Variants in DIAPH2 observed in about 807,000 individuals in gnomAD.
The protein encoded by DIAPH2 is protein diaphanous homolog 2.
Under a neutral mutation model 92.7 loss-of-function variants are expected in DIAPH2, and 35 were observed. The ratio of observed to expected loss-of-function variants is 0.38; its 90% CI spans 0.29 to 0.50. The LOEUF (loss-of-function observed/expected upper bound fraction) is 0.50. DIAPH2 is among the 20% of genes least tolerant of loss of function. The pLI is 0.94. For missense variants in DIAPH2, 701 were observed against 819.5 expected, an observed-to-expected ratio of 0.86 and a Z score of 1.77; for synonymous variants, 301 against 280.4, an observed-to-expected ratio of 1.07 and a Z score of -0.73.
intron 26 of DIAPH2, among the ~76,000 whole-genome samples, chrX:97,574,743 G>GTATA (rs2071390764): frequency 8.9e-6 from 1 of 112,470 alleles, no homozygotes; most frequent in Middle Eastern, 4.7e-3. Context: ...GATAGGCCAT[G>GTATA]TATAATTAGT....
rs761514968 is a variant in DIAPH2 at position 96,712,605 on chromosome X, TAGA to T, written c.133-23146_133-23144del. Among the ~76,000 whole-genome samples the T allele has an allele frequency of 2.7e-3, 304 of 111,529 alleles. 2 individuals are homozygous for T. Among genetic ancestry groups the T allele is most frequent in the African/African-American group, 9.1e-3 (281 of 30,733 alleles). On this transcript the variant is annotated intron_variant, in intron 1 of 26. Transcript: ENST00000324765. Reference sequence around the variant, plus strand: ...ATTATCTATTGCCTGCCTGCTATGATAGAAGAAGATTAATCTCACATCAATCTT... The same window carrying T: ...ATTATCTATTGCCTGCCTGCTATGATAGAAGATTAATCTCACATCAATCTT...
At chrX:97,279,310 CT>C (rs1256593896) in intron 23 of DIAPH2, among the ~76,000 whole-genome samples, 413 of 94,197 alleles carry the variant, frequency 4.4e-3, no homozygotes, top group African/African-American at 8.3e-3. Flanking sequence ...TTTTTTGAGA[CT>C]TTTTTTTTTT....
chrX:97,194,492 G>A (rs1199066141), intron 22 of DIAPH2, among the ~76,000 whole-genome samples: 1 of 109,595 alleles, frequency 9.1e-6, no homozygotes. Context: ...CACTGTGTTA[G>A]CCAGGATGGT....
rs932038921 is a variant in DIAPH2, at chrX:96,973,529, C to T, written c.2050+8322C>T. ...AAAAATACAGTATAACAACTATTTA[C>T]ATAGTATTTACATTAATAGCAGAAA... On this transcript the variant is annotated intron_variant, in intron 17 of 26. Transcript: ENST00000324765. Among the ~76,000 whole-genome samples, 12 of 111,244 alleles carry T rather than the reference C, an allele frequency of 1.1e-4. No homozygotes were observed. In the East Asian group the frequency reaches 1.4e-3, roughly 13 times the overall value.
At chrX:96,751,652 G>A (rs188494066) in intron 3 of DIAPH2, among the ~76,000 whole-genome samples, 2 of 60,312 alleles carry the variant, frequency 3.3e-5, no homozygotes, top group African/African-American at 1.3e-4. Flanking sequence ...TCAGTGTTTT[G>A]TTTTTTTTTT....
chrX:96,809,878 T>C lies in DIAPH2; in HGVS notation c.447+51620T>C, dbSNP rs61425615. 7.3e-3 allele frequency among the ~76,000 whole-genome samples: 818 copies of C among 112,357 alleles called. 6 individuals are homozygous for C. Among genetic ancestry groups the C allele is most frequent in the African/African-American group, 0.025 (789 of 30,953 alleles). On this transcript the variant is annotated intron_variant, in intron 4 of 26. Transcript: ENST00000324765. Reference sequence around the variant, plus strand: ...TTTTTTATGGCTGCATAGTATTCCATGGTGTATATGTGCCACATTTTCTTA... The same window carrying C: ...TTTTTTATGGCTGCATAGTATTCCACGGTGTATATGTGCCACATTTTCTTA...
Position 96,956,638 on chromosome X carries a change from C to G in DIAPH2, c.1615-1190C>G, listed in dbSNP as rs1392114803. On this transcript the variant is annotated intron_variant, in intron 15 of 26. Transcript: ENST00000324765. The stretch of plus-strand genomic sequence containing the variant: ...CTCTCAAGTTCACAGTTCCACAGAT[C>G]TTTAGGGCAGACAAAATGCCACCAG... Among the ~76,000 whole-genome samples, 6 of 112,174 alleles carry G rather than the reference C, an allele frequency of 5.3e-5. No individual in the cohort carries two copies. In the East Asian group the frequency reaches 1.7e-3, roughly 31 times the overall value.
intron 17 of DIAPH2, among the ~76,000 whole-genome samples, chrX:97,063,867 C>A (rs779303257): frequency 8.9e-6 from 1 of 112,269 alleles, no homozygotes; most frequent in Non-Finnish European, 1.9e-5. Context: ...CCAAATCTAG[C>A]TGACCAACTA....
chrX:96,746,534 T>A (rs1204337750), intron 3 of DIAPH2, among the ~76,000 whole-genome samples: 1 of 110,605 alleles, frequency 9.0e-6, no homozygotes, highest in African/African-American at 3.3e-5. Context: ...ATTGGTAACT[T>A]TTTTTTTCTT....
rs1234663626 is a variant in DIAPH2 at position 96,806,646 on chromosome X, CAAA to C, written c.447+48404_447+48406del. 8.7e-5 allele frequency among the ~76,000 whole-genome samples: 3 copies of C among 34,437 alleles called. 1 individual carries two copies. The East Asian group carries it at 4.2e-3, about 48-fold the overall frequency. The allele number at this position is 34,437 out of a possible 115,157, so 29.9% of individuals were successfully genotyped here. A position where few individuals can be genotyped will look rare whatever the true frequency, so the allele number is the denominator to read the frequency against. On this transcript the variant is annotated intron_variant, in intron 4 of 26. Transcript: ENST00000324765. ...GGGCAACAGTAGTGAAACTCCATCTCAAAAAAAAAAAAAAAAAAGAAACAAAGA... is the reference window on the plus strand; with the variant it reads ...GGGCAACAGTAGTGAAACTCCATCTCAAAAAAAAAAAAAAAGAAACAAAGA...
intron 20 of DIAPH2, among the ~76,000 whole-genome samples, chrX:97,103,050 A>G (rs2066916508): frequency 8.9e-6 from 1 of 112,220 alleles, no homozygotes; most frequent in Non-Finnish European, 1.9e-5. Flanking sequence ...CTGAATTTGT[A>G]GCCAGTGCTT....
At chrX:97,433,202 A>G (rs2070145843) in intron 26 of DIAPH2, among the ~76,000 whole-genome samples, 1 of 110,720 alleles carries the variant, frequency 9.0e-6, no homozygotes. Flanking sequence ...ATAATTGAAA[A>G]TATTTTTTTT....
chrX:97,014,521 G>A (rs1298739177), intron 17 of DIAPH2, among the ~76,000 whole-genome samples: 3 of 111,913 alleles, frequency 2.7e-5, no homozygotes, highest in African/African-American at 9.8e-5. Flanking sequence ...CCTAATCCCA[G>A]TATAAATCTT....
intron 26 of DIAPH2, among the ~76,000 whole-genome samples, chrX:97,488,156 G>T (rs188147426): frequency 3.5e-4 from 39 of 111,392 alleles, no homozygotes; most frequent in Middle Eastern, 4.6e-3. Context: ...ACCATGCCTA[G>T]TTAATTTTGT....
intron 23 of DIAPH2, among the ~76,000 whole-genome samples, chrX:97,317,817 T>C (rs1223962723): frequency 1.8e-5 from 2 of 111,806 alleles, no homozygotes; most frequent in Non-Finnish European, 3.8e-5. Flanking sequence ...CACCGTAACT[T>C]GATTAGAGAT....
chrX:96,913,687 T>A (rs2065484080), intron 7 of DIAPH2, among the ~76,000 whole-genome samples: 1 of 111,334 alleles, frequency 9.0e-6, no homozygotes. Flanking sequence ...GAGATTTCTC[T>A]TTCTTTTATG....
chrX:97,277,878 G>A (rs1051693494), intron 23 of DIAPH2, among the ~76,000 whole-genome samples: 3 of 112,099 alleles, frequency 2.7e-5, no homozygotes, highest in Admixed American at 9.5e-5. Flanking sequence ...TAGCATTCTC[G>A]CTCTGTTGCC....
intron 26 of DIAPH2, among the ~76,000 whole-genome samples, chrX:97,591,038 G>A (rs1471531467): frequency 1.8e-5 from 2 of 111,429 alleles, no homozygotes; most frequent in African/African-American, 6.5e-5. Context: ...AGACATTCTG[G>A]TTCTTCCTTT....
chrX:96,952,206 G>C (rs2065779971), intron 15 of DIAPH2, among the ~76,000 whole-genome samples: 1 of 111,204 alleles, frequency 9.0e-6, no homozygotes, highest in Admixed American at 9.6e-5. Context: ...TCTAACCTCA[G>C]AGAGAAAATT....
Sources: gnomAD v4.1 joint callset for allele counts (sites outside exome capture counted in the v4.1 genomes callset) on GRCh38, gnomAD v4.1.1 for gene constraint, MANE v1.5 for transcripts, NCBI Gene and HGNC (gene_info 2026-07-23, HGNC 2026-07-21) for gene names.